Variants in TRAPPC10 observed in about 807,000 individuals in gnomAD.
The protein encoded by TRAPPC10 is trafficking protein particle complex subunit 10, also known as TRAPP 130 kDa subunit.
In TRAPPC10, 23 loss-of-function variants were observed where a neutral mutation model predicts 125.5. The ratio of observed to expected loss-of-function variants is 0.18; its 90% confidence interval spans 0.13 to 0.26. The LOEUF is 0.26. Ranked by LOEUF, TRAPPC10 falls within the 10% of genes least tolerant of loss-of-function variation. The pLI is 1.00. For synonymous variants in TRAPPC10, 509 were observed against 518.0 expected (o/e 0.98, Z 0.24); for missense variants, 1,123 against 1,308.4 (o/e 0.86, Z 2.19).
chr21:44,074,943 A>G, intron 8 of TRAPPC10, 96 bp from the exon 9 acceptor site: 3 of 932,682 alleles, frequency 3.2e-6, no homozygotes, highest in Non-Finnish European at 4.9e-6. Context: ...AATTTCTTCT[A>G]GAATTTAGCT....
intron 17 of TRAPPC10, chr21:44,089,158 G>A (rs1415548029): frequency 3.4e-6 from 1 of 295,524 alleles, no homozygotes; most frequent in Non-Finnish European, 6.7e-6. Flanking sequence ...GCTGTGTGCT[G>A]TGTTATCCTC....
intron 11 of TRAPPC10, 37 bp from the exon 12 acceptor site, chr21:44,079,527 A>G: frequency 2.5e-6 from 4 of 1,576,076 alleles, no homozygotes; most frequent in African/African-American, 1.4e-5. Context: ...GATTATCCCT[A>G]GCTGTAATGA....
chr21:44,048,338 C>T (rs1386923236), intron 3 of TRAPPC10, among the ~76,000 whole-genome samples: 1 of 152,204 alleles, frequency 6.6e-6, no homozygotes, highest in South Asian at 2.1e-4. Context: ...GCCCTCCCCA[C>T]CCTCTGGTGG....
Position 44,094,156 on chromosome 21 carries a change from T to C in TRAPPC10, c.3091T>C (p.Phe1031Leu), listed in dbSNP as rs371463312. The C allele has an allele frequency of 3.7e-6, 6 of 1,614,036 alleles. No individual in the cohort carries two copies. Among genetic ancestry groups the C allele is most frequent in the Non-Finnish European group, 4.2e-6 (5 of 1,180,022 alleles). ...PSLHCRFSVG[F>L]SPASEEQLSI... ...TCTGCATTGCCGGTTCTCTGTTGGA[T>C]TTTCCCCAGCTTCTGAGGAACAGCT... Residue 1031 changes from phenylalanine to leucine, a missense_variant, in exon 20 of 23, where the codon TTT becomes CTT. Phe to Leu is a conservative substitution (Grantham distance 22, BLOSUM62 0). This residue lies in a region of TRAPPC10 where 840 missense variants were observed against 902.0 expected (regional missense o/e 0.93). Transcript: ENST00000291574.
chr21:44,058,385 G>A (rs1161365011), intron 5 of TRAPPC10, among the ~76,000 whole-genome samples: 1 of 151,858 alleles, frequency 6.6e-6, no homozygotes, highest in African/African-American at 2.4e-5. Flanking sequence ...TGAGGCCAGA[G>A]GGCTGGTGCT....
At chr21:44,092,075 A>G (rs750285667) in intron 19 of TRAPPC10, 26 bp downstream of exon 19, 9 of 1,611,502 alleles carry the variant, frequency 5.6e-6, no homozygotes, top group Non-Finnish European at 6.8e-6. Context: ...ACCTGAGCAT[A>G]AACTTCTCAA....
intron 1 of TRAPPC10, among the ~76,000 whole-genome samples, chr21:44,021,064 T>C (rs921008171): frequency 4.6e-5 from 7 of 152,230 alleles, no homozygotes; most frequent in African/African-American, 1.7e-4. Context: ...ATTCTAAGAA[T>C]TGAGTAAGTA....
intron 1 of TRAPPC10, among the ~76,000 whole-genome samples, chr21:44,019,890 A>C (rs1429784958): frequency 1.3e-5 from 2 of 152,100 alleles, no homozygotes; most frequent in Non-Finnish European, 2.9e-5. Context: ...TGACCGAGGG[A>C]ATGTTATCTT....
chr21:44,049,914 C>T (rs1279708998), intron 3 of TRAPPC10, among the ~76,000 whole-genome samples: 1 of 151,438 alleles, frequency 6.6e-6, no homozygotes, highest in Non-Finnish European at 1.5e-5. Flanking sequence ...GAGTCTCACT[C>T]TGTTGCCCAG....
At chr21:44,047,100 G>T (rs1033539600) in intron 3 of TRAPPC10, 3 of 627,906 alleles carry the variant, frequency 4.8e-6, no homozygotes, top group Non-Finnish European at 9.1e-6. Context: ...CAGACCCATG[G>T]CGAGATCCCA....
At chr21:44,062,974 C>T in intron 6 of TRAPPC10, 1 of 1,302,774 alleles carries the variant, frequency 7.7e-7, no homozygotes, top group South Asian at 1.2e-5. Flanking sequence ...CTCTGGGAGC[C>T]TTGCTGAAAT....
intron 18 of TRAPPC10, among the ~76,000 whole-genome samples, chr21:44,090,854 T>G (rs2038526076): frequency 6.6e-6 from 1 of 152,220 alleles, no homozygotes; most frequent in South Asian, 2.1e-4. Flanking sequence ...ACTGTAGATA[T>G]TAATAGTTAA....
chr21:44,092,098 G>A (rs551653689), intron 19 of TRAPPC10, 49 bp downstream of exon 19: 1 of 1,606,354 alleles, frequency 6.2e-7, no homozygotes, highest in Admixed American at 1.7e-5. Context: ...GAGAACCAGA[G>A]TGTACGGAAA....
At chr21:44,074,091 G>C (rs2037092433) in intron 7 of TRAPPC10, among the ~76,000 whole-genome samples, 1 of 152,154 alleles carries the variant, frequency 6.6e-6, no homozygotes, top group Admixed American at 6.5e-5. Context: ...CATAAAACCT[G>C]ATAACACATT....
rs59464702 is a variant in TRAPPC10 at position 44,087,966 on chromosome 21, G to C, written c.2769+38G>C. 3.1e-3 allele frequency: 4,851 copies of C among 1,544,578 alleles called. 129 individuals are homozygous for C. In the African/African-American group the frequency reaches 0.053, roughly 17 times the overall value. ...AGTGGAGGAGCTTAGCTTGTGGGGC[G>C]TCCGCCGCCCGCCTGCCTGCTGGGA... On this transcript the variant is annotated intron_variant, in intron 17 of 22. Coordinates refer to ENST00000291574, the MANE Select transcript of TRAPPC10 (RefSeq NM_003274.5). This position sits in a 1 kb window ranked among gnomAD's most constrained non-coding sequence, Gnocchi z 4.6.
chr21:44,055,987 C>A, intron 5 of TRAPPC10, 94 bp downstream of exon 5: 1 of 1,147,142 alleles, frequency 8.7e-7, no homozygotes, highest in African/African-American at 1.5e-5. Context: ...TAAGGCACCT[C>A]TCGTGGTAAT....
intron 1 of TRAPPC10, among the ~76,000 whole-genome samples, chr21:44,029,256 A>G (rs1050513642): frequency 6.6e-6 from 1 of 152,062 alleles, no homozygotes; most frequent in African/African-American, 2.4e-5. Context: ...CACCACACCC[A>G]GCTAATTTTT....
chr21:44,039,805 A>C (rs2034285427), intron 3 of TRAPPC10, among the ~76,000 whole-genome samples: 1 of 152,194 alleles, frequency 6.6e-6, no homozygotes. Context: ...TGGAGGTTGC[A>C]GTGAGCCGAG....
chr21:44,016,874 G>T (rs753743742), intron 1 of TRAPPC10, among the ~76,000 whole-genome samples: 6 of 152,124 alleles, frequency 3.9e-5, no homozygotes, highest in East Asian at 1.9e-4. Context: ...CAGCCAGGAT[G>T]GTCTTGATCT....
Sources: gnomAD v4.1 joint callset for allele counts (sites outside exome capture counted in the v4.1 genomes callset) on GRCh38, gnomAD v4.1.1 for gene constraint, gnomAD v4.1.1 regional missense constraint, Gnocchi (gnomAD v3.1) non-coding constraint, MANE v1.5 for transcripts, NCBI Gene and HGNC (gene_info 2026-07-23, HGNC 2026-07-21) for gene names.